ARHGAP15: variants seen among roughly 807,000 people sequenced by gnomAD.
The protein encoded by ARHGAP15 is Rho GTPase activating protein 15, also known as rho GTPase-activating protein 15.
ARHGAP15 carries 51 observed loss-of-function variants against 63.7 expected under a neutral mutation model. That is an observed-to-expected ratio of 0.80 (90% CI 0.64 to 1.01). The LOEUF is 1.01. ARHGAP15 is among the 50% of genes least tolerant of loss of function. ARHGAP15 has a pLI of 0.00. For missense variants in ARHGAP15, 560 were observed against 564.6 expected (o/e 0.99, Z 0.08); for synonymous variants, 191 against 193.8 (o/e 0.99, Z 0.12).
rs756412314 is a variant in ARHGAP15, at chr2:143,549,317, C to CA, written c.926-7084dup. ...TAATAGAAAATATGTGTTTTAAAAA[C>CA]AAAAAAATGGATAATGGTGCTGAAA... On this transcript the variant is annotated intron_variant, in intron 10 of 13. Transcript: ENST00000295095. Among the ~76,000 whole-genome samples, 64 of 151,782 alleles carry CA rather than the reference C, an allele frequency of 4.2e-4. 2 individuals carry two copies. The East Asian group carries it at 5.8e-3, about 14-fold the overall frequency.
intron 10 of ARHGAP15, among the ~76,000 whole-genome samples, chr2:143,541,705 C>T (rs553059342): frequency 4.6e-5 from 7 of 152,248 alleles, no homozygotes; most frequent in South Asian, 2.1e-4. Flanking sequence ...ATTGGTGAAC[C>T]GCAAATGCTG....
intron 12 of ARHGAP15, among the ~76,000 whole-genome samples, chr2:143,693,212 C>A (rs1683690589): frequency 6.6e-6 from 1 of 152,168 alleles, no homozygotes; most frequent in Non-Finnish European, 1.5e-5. Flanking sequence ...CACATCTAAA[C>A]CTCTTTTAAA....
At chr2:143,387,780 A>T (rs1009380978) in intron 6 of ARHGAP15, among the ~76,000 whole-genome samples, 1 of 152,130 alleles carries the variant, frequency 6.6e-6, no homozygotes, top group Non-Finnish European at 1.5e-5. Context: ...GCTACTCCAG[A>T]ACCCTTGTCA....
At position 143,213,101 on chromosome 2, in the gene ARHGAP15, T is replaced by A. The variant is rs553977708; in HGVS notation, c.235-3283T>A. Among the ~76,000 whole-genome samples the A allele has an allele frequency of 3.3e-5, 5 of 152,336 alleles. 1 individual carries two copies. In the South Asian group the frequency reaches 8.3e-4, roughly 25 times the overall value. On this transcript the variant is annotated intron_variant, in intron 3 of 13. Coordinates refer to ENST00000295095, the MANE Select transcript of ARHGAP15 (RefSeq NM_018460.4). ...AGTTTAAGCCTCAAGAGGATTACAATTGTCCTATTAATCTTTCCAGTTCTG... is the reference window on the plus strand; with the variant it reads ...AGTTTAAGCCTCAAGAGGATTACAAATGTCCTATTAATCTTTCCAGTTCTG...
intron 11 of ARHGAP15, among the ~76,000 whole-genome samples, chr2:143,622,784 A>T (rs1197114172): frequency 4.6e-4 from 6 of 13,126 alleles, no homozygotes; most frequent in Non-Finnish European, 0.019. Flanking sequence ...ATTTATTTAA[A>T]AAAAAAAAAA....
At chr2:143,694,813 G>T (rs994181154) in intron 12 of ARHGAP15, among the ~76,000 whole-genome samples, 3 of 152,214 alleles carry the variant, frequency 2.0e-5, no homozygotes, top group Non-Finnish European at 2.9e-5. Flanking sequence ...TGTTCAAAAT[G>T]AATGGTTAAG....
intron 6 of ARHGAP15, among the ~76,000 whole-genome samples, chr2:143,324,158 CACAT>C (rs972201328): frequency 1.1e-4 from 17 of 152,182 alleles, no homozygotes; most frequent in Non-Finnish European, 2.5e-4. Context: ...TAAATGCACC[CACAT>C]ACATAGGAAC....
Position 143,768,197 on chromosome 2 carries a change from G to A in ARHGAP15, c.*25G>A, listed in dbSNP as rs775953689. On this transcript the variant is annotated 3_prime_UTR_variant, in exon 14 of 14. Transcript: ENST00000295095. ...ACAGACAAGACAAGCTACTGAATAC[G>A]TTCACATCTGTCTTGATGCCTAATA... 5.0e-6 allele frequency: 8 copies of A among 1,591,270 alleles called. No individual in the cohort carries two copies. The highest frequency in any genetic ancestry group is 2.3e-5 in the South Asian group (2 of 87,776).
intron 8 of ARHGAP15, among the ~76,000 whole-genome samples, chr2:143,463,141 C>T (rs1389474917): frequency 6.6e-6 from 1 of 152,036 alleles, no homozygotes; most frequent in Non-Finnish European, 1.5e-5. Flanking sequence ...TGGCCCAAGA[C>T]AATTATTCTT....
At position 143,504,811 on chromosome 2, in the gene ARHGAP15, C is replaced by T. The variant is rs569577775; in HGVS notation, c.827-14455C>T. ...TGCAGCCAGCACTTTCTGAGAGTTACCTGCTTCCCTGCCTAGGTACTGGCC... is the reference window on the plus strand; with the variant it reads ...TGCAGCCAGCACTTTCTGAGAGTTATCTGCTTCCCTGCCTAGGTACTGGCC... On this transcript the variant is annotated intron_variant, in intron 9 of 13. Coordinates refer to ENST00000295095, the MANE Select transcript of ARHGAP15 (RefSeq NM_018460.4). Among the ~76,000 whole-genome samples, 213 of 152,312 alleles carry T rather than the reference C, an allele frequency of 1.4e-3. 2 individuals are homozygous for T. The highest frequency in any genetic ancestry group is 2.5e-3 in the Non-Finnish European group (168 of 68,028).
chr2:143,179,081 T>G (rs1691123127), intron 2 of ARHGAP15, among the ~76,000 whole-genome samples: 1 of 152,244 alleles, frequency 6.6e-6, no homozygotes, highest in Admixed American at 6.5e-5. Flanking sequence ...CCTTCTCTAG[T>G]GCAGTGATTA....
intron 12 of ARHGAP15, among the ~76,000 whole-genome samples, chr2:143,697,509 C>G (rs1250390019): frequency 6.6e-6 from 1 of 152,124 alleles, no homozygotes; most frequent in East Asian, 1.9e-4. Flanking sequence ...CAAAATCATA[C>G]AGCATAGCAA....
At chr2:143,146,394 C>A (rs2104996102) in intron 1 of ARHGAP15, among the ~76,000 whole-genome samples, 1 of 151,984 alleles carries the variant, frequency 6.6e-6, no homozygotes, top group Non-Finnish European at 1.5e-5. Flanking sequence ...AAAAAATAGA[C>A]CCTTTAGGTT....
chr2:143,706,329 A>T (rs1208429780), intron 13 of ARHGAP15: 1 of 152,202 alleles, frequency 6.6e-6, no homozygotes, highest in Admixed American at 6.5e-5. Flanking sequence ...GTCTTAATGC[A>T]TTTGGTAGTT....
rs565333065 is a variant in ARHGAP15, at chr2:143,468,186, G to T, written c.704-19187G>T. Among the ~76,000 whole-genome samples, 124 of 147,150 alleles carry T rather than the reference G, an allele frequency of 8.4e-4. 1 individual carries two copies. Among genetic ancestry groups the T allele is most frequent in the Middle Eastern group, 7.0e-3 (2 of 284 alleles). On this transcript the variant is annotated intron_variant, in intron 8 of 13. Coordinates refer to ENST00000295095, the MANE Select transcript of ARHGAP15 (RefSeq NM_018460.4). ...GGGGAATGGGAACAAGTTTTTTCTG[G>T]TTTTTTTTTTCTAGCAACATTTCCA...
Position 143,328,898 on chromosome 2 carries a change from G to A in ARHGAP15, c.474+78298G>A, listed in dbSNP as rs530486379. On this transcript the variant is annotated intron_variant, in intron 6 of 13. Transcript: ENST00000295095. The stretch of plus-strand genomic sequence containing the variant: ...AGGTAAAGGATACTGTGTTTACCCT[G>A]ATGTGATTGTTATGCATTACATGCC... Among the ~76,000 whole-genome samples the A allele has an allele frequency of 4.4e-4, 67 of 152,314 alleles. 1 individual carries two copies. The highest frequency in any genetic ancestry group is 3.4e-3 in the Middle Eastern group (1 of 294).
chr2:143,732,043 C>T (rs138987440), intron 13 of ARHGAP15, among the ~76,000 whole-genome samples: 2,519 of 152,292 alleles, frequency 0.017, 32 homozygotes, highest in Middle Eastern at 0.027. Context: ...ACATAAAAAT[C>T]ACTAAATATT....
intron 12 of ARHGAP15, among the ~76,000 whole-genome samples, chr2:143,674,289 A>C (rs1190095602): frequency 6.6e-6 from 1 of 152,212 alleles, no homozygotes; most frequent in African/African-American, 2.4e-5. Flanking sequence ...TACACAGAGC[A>C]CTCAAAAATA....
intron 5 of ARHGAP15, among the ~76,000 whole-genome samples, chr2:143,233,202 T>C (rs1003311163): frequency 1.3e-5 from 2 of 152,118 alleles, no homozygotes; most frequent in Non-Finnish European, 2.9e-5. Flanking sequence ...TATTTATTTC[T>C]CCATGAACCT....
Sources: gnomAD v4.1 joint callset for allele counts (sites outside exome capture counted in the v4.1 genomes callset) on GRCh38, gnomAD v4.1.1 for gene constraint, MANE v1.5 for transcripts, NCBI Gene and HGNC (gene_info 2026-07-23, HGNC 2026-07-21) for gene names.